The following NNT variants were observed in gnomAD, a reference collection of about 807,000 sequenced individuals.
The protein encoded by NNT is nicotinamide nucleotide transhydrogenase, also known as NAD(P) transhydrogenase, mitochondrial.
NNT carries 50 observed loss-of-function variants against 104.8 expected under a neutral mutation model. That is an observed-to-expected ratio of 0.48 (90% CI 0.38 to 0.60). The LOEUF is 0.60. Ranked by LOEUF, NNT falls within the 20% of genes least tolerant of loss-of-function variation. The pLI is 0.00. For synonymous variants in NNT, 461 were observed against 490.4 expected, an observed-to-expected ratio of 0.94 and a Z score of 0.79; for missense variants, 1,131 against 1,330.7, an observed-to-expected ratio of 0.85 and a Z score of 2.33.
intron 7 of NNT, among the ~76,000 whole-genome samples, chr5:43,628,821 A>T (rs561939120): frequency 1.3e-5 from 2 of 152,256 alleles, no homozygotes; most frequent in South Asian, 4.1e-4. Flanking sequence ...TCCTGACCTC[A>T]GGTGATCCGC....
At chr5:43,652,899 A>C (rs1237323503) in intron 13 of NNT, 119 bp from the exon 14 acceptor site, 1 of 703,734 alleles carries the variant, frequency 1.4e-6, no homozygotes, top group African/African-American at 1.8e-5. Context: ...GTATAAGTGC[A>C]AATACAATAT....
At chr5:43,672,145 A>C (rs1741137170) in intron 17 of NNT, among the ~76,000 whole-genome samples, 1 of 152,140 alleles carries the variant, frequency 6.6e-6, no homozygotes, top group Non-Finnish European at 1.5e-5. Flanking sequence ...CAGGTCATTT[A>C]AGTACTTCTC....
At chr5:43,672,103 C>T (rs186291790) in intron 17 of NNT, among the ~76,000 whole-genome samples, 15 of 152,318 alleles carry the variant, frequency 9.8e-5, no homozygotes, top group East Asian at 1.9e-4. Flanking sequence ...GCATTCATCA[C>T]GTAGTTTTTG....
chr5:43,667,271 C>T (rs2112029767), intron 17 of NNT: 2 of 740,376 alleles, frequency 2.7e-6, no homozygotes, highest in South Asian at 3.1e-5. Context: ...GTGCCTAGAA[C>T]CCTATTTTTT....
At chr5:43,607,515 G>A (rs552784989) in intron 1 of NNT, among the ~76,000 whole-genome samples, 75 of 152,236 alleles carry the variant, frequency 4.9e-4, no homozygotes, top group Non-Finnish European at 7.4e-4. Context: ...TCTCTTTTCG[G>A]ACTCAGCCCA....
chr5:43,656,484 G>A (rs1740053242), intron 15 of NNT, among the ~76,000 whole-genome samples, 169 bp from the exon 16 acceptor site: 1 of 152,140 alleles, frequency 6.6e-6, no homozygotes. Context: ...GGAAATTAGT[G>A]AACAGAAATT....
chr5:43,616,193 G>T, intron 4 of NNT, 128 bp downstream of exon 4: 1 of 733,048 alleles, frequency 1.4e-6, no homozygotes, highest in East Asian at 2.6e-5. Context: ...TTTTGAGAGT[G>T]CATTTAAATT....
intron 6 of NNT, 64 bp from the exon 7 acceptor site, chr5:43,628,136 A>G: frequency 8.0e-7 from 1 of 1,242,416 alleles, no homozygotes; most frequent in Non-Finnish European, 1.1e-6. Flanking sequence ...TATGTAAATG[A>G]TGATCTTGAC....
Position 43,651,898 on chromosome 5 carries a change from T to C in NNT, c.1863+14T>C. 1 of 1,609,860 alleles carries C rather than the reference T, an allele frequency of 6.2e-7. No homozygotes were observed. The highest frequency in any genetic ancestry group is 8.5e-7 in the Non-Finnish European group (1 of 1,178,320). ...AACATTGAACAGGTAAGATGCTCTT[T>C]GTAAGTTTTTATATTTACCACAATA... is the stretch of plus-strand genomic sequence containing the variant. On this transcript the variant is annotated intron_variant, in intron 13 of 21. Transcript: ENST00000344920.
intron 7 of NNT, among the ~76,000 whole-genome samples, chr5:43,629,341 G>A (rs997286463): frequency 1.3e-5 from 2 of 152,150 alleles, no homozygotes; most frequent in African/African-American, 2.4e-5. Flanking sequence ...TCCATGGTGT[G>A]TGTATATATG....
intron 19 of NNT, among the ~76,000 whole-genome samples, chr5:43,685,342 C>T (rs1741927347): frequency 6.6e-6 from 1 of 152,104 alleles, no homozygotes; most frequent in South Asian, 2.1e-4. Flanking sequence ...TATCAGTGTA[C>T]ATTGCCCTAT....
At position 43,628,337 on chromosome 5, in the gene NNT, C is replaced by T; in HGVS notation, c.914C>T (p.Ala305Val). Residue 305 changes from alanine to valine, a missense_variant, in exon 7 of 22, where the codon GCT (alanine) becomes GTT (valine). Ala to Val is a moderately conservative substitution (Grantham distance 64, BLOSUM62 0). Coordinates refer to ENST00000344920, the MANE Select transcript of NNT (RefSeq NM_182977.3). ...ATTGAAGCTGAAATGAAACTCTTTG[C>T]TCAACAATGCAAGGAGGTAGACATC... ...EFIEAEMKLF[A>V]QQCKEVDILI... The T allele has an allele frequency of 6.2e-7, 1 of 1,613,688 alleles. No homozygotes were observed.
rs140653175 is a variant in NNT at position 43,622,621 on chromosome 5, C to T, written c.688-1411C>T. 2.8e-3 allele frequency among the ~76,000 whole-genome samples: 430 copies of T among 152,226 alleles called. 5 individuals carry two copies. The highest frequency in any genetic ancestry group is 9.7e-3 in the African/African-American group (404 of 41,532). On this transcript the variant is annotated intron_variant, in intron 5 of 21. Coordinates refer to ENST00000344920, the MANE Select transcript of NNT (RefSeq NM_182977.3). ...GTGTAACAGTTAGCAGTAAGTGCTTCGGTTAGATTCCATTGTTTAATATAA... is the reference window on the plus strand; with the variant it reads ...GTGTAACAGTTAGCAGTAAGTGCTTTGGTTAGATTCCATTGTTTAATATAA...
intron 1 of NNT, among the ~76,000 whole-genome samples, chr5:43,607,966 T>A (rs1341195635): frequency 6.6e-6 from 1 of 151,812 alleles, no homozygotes; most frequent in East Asian, 1.9e-4. Flanking sequence ...TGTCTCACTC[T>A]GTCACCCAGG....
At chr5:43,671,379 C>T (rs762522907) in intron 17 of NNT, among the ~76,000 whole-genome samples, 48 of 152,234 alleles carry the variant, frequency 3.2e-4, no homozygotes, top group Middle Eastern at 3.4e-3. Context: ...TTCCTAGCCT[C>T]GATGGTCTTT....
intron 17 of NNT, among the ~76,000 whole-genome samples, chr5:43,666,356 C>T (rs1203226390): frequency 6.6e-6 from 1 of 152,114 alleles, no homozygotes; most frequent in Non-Finnish European, 1.5e-5. Flanking sequence ...CTTGGGAGGC[C>T]GAGGCTGTCA....
chr5:43,649,061 T>C, intron 10 of NNT, 86 bp from the exon 11 acceptor site: 1 of 1,401,480 alleles, frequency 7.1e-7, no homozygotes, highest in Non-Finnish European at 9.9e-7. Flanking sequence ...AAGCATTGGC[T>C]ATTCCACATA....
chr5:43,638,399 C>T (rs1751048858), intron 7 of NNT, among the ~76,000 whole-genome samples: 2 of 152,108 alleles, frequency 1.3e-5, no homozygotes, highest in South Asian at 4.1e-4. Flanking sequence ...TGAGTAGATA[C>T]TAACAATACT....
At position 43,645,518 on chromosome 5, in the gene NNT, T is replaced by C. The variant is rs1290291103; in HGVS notation, c.1444+8T>C. 6.8e-7 allele frequency: 1 copy of C among 1,481,078 alleles called. No homozygotes were observed. The highest frequency in any genetic ancestry group is 9.0e-7 in the Non-Finnish European group (1 of 1,113,822). 91.7% of individuals were successfully genotyped at this position (1,481,078 alleles called of 1,614,324 possible). A position where few individuals can be genotyped will look rare whatever the true frequency, so the allele number is the denominator to read the frequency against. ...CTTCTGCATATACAGCAGGTGAGGA[T>C]ACCATTTACCAGGGTTTAGTCTTGA... is the stretch of plus-strand genomic sequence containing the variant. On this transcript the variant is annotated splice_region_variant and intron_variant, in intron 10 of 21. Coordinates refer to ENST00000344920, the MANE Select transcript of NNT (RefSeq NM_182977.3).
Sources: gnomAD v4.1 joint callset for allele counts (sites outside exome capture counted in the v4.1 genomes callset) on GRCh38, gnomAD v4.1.1 for gene constraint, MANE v1.5 for transcripts, NCBI Gene and HGNC (gene_info 2026-07-23, HGNC 2026-07-21) for gene names.